The following PTPRD variants were observed in gnomAD, a reference collection of about 807,000 sequenced individuals.
PTPRD encodes the protein receptor-type tyrosine-protein phosphatase delta.
In PTPRD, 34 loss-of-function variants were observed where a neutral mutation model predicts 214.5. The observed-to-expected ratio is 0.16, with a 90% confidence interval of 0.12 to 0.21. The LOEUF is 0.21. Ranked by LOEUF, PTPRD falls within the 10% of genes least tolerant of loss-of-function variation. PTPRD has a pLI of 1.00. For synonymous variants in PTPRD, 1,128 were observed against 845.7 expected (o/e 1.33, Z -5.79); for missense variants, 2,545 against 2,398.7 (o/e 1.06, Z -1.27).
chr9:9,083,188 T>C (rs1479237895), intron 10 of PTPRD, among the ~76,000 whole-genome samples: 1 of 152,120 alleles, frequency 6.6e-6, no homozygotes, highest in Non-Finnish European at 1.5e-5. Context: ...AGCATGATAC[T>C]GGTACCAAAA....
intron 4 of PTPRD, among the ~76,000 whole-genome samples, chr9:9,999,912 A>T (rs958923832): frequency 1.3e-5 from 2 of 152,204 alleles, no homozygotes; most frequent in African/African-American, 4.8e-5. Flanking sequence ...TCTTGTCCTA[A>T]AAGGAAATGA....
chr9:9,937,973 G>A (rs57498253), intron 5 of PTPRD, among the ~76,000 whole-genome samples: 16 of 152,274 alleles, frequency 1.1e-4, no homozygotes, highest in African/African-American at 3.1e-4. Context: ...TGGAGGCAGA[G>A]ATCTTACCTC....
At chr9:9,693,569 C>T (rs2097314112) in intron 7 of PTPRD, among the ~76,000 whole-genome samples, 1 of 152,082 alleles carries the variant, frequency 6.6e-6, no homozygotes, top group African/African-American at 2.4e-5. Flanking sequence ...AAGAGGTAGT[C>T]TTATTTAGGT....
At chr9:9,432,057 A>G (rs1037553930) in intron 8 of PTPRD, among the ~76,000 whole-genome samples, 3 of 117,702 alleles carry the variant, frequency 2.5e-5, no homozygotes, top group Non-Finnish European at 3.8e-5. Flanking sequence ...TATAATAATA[A>G]TAATAATAAT....
chr9:9,701,860 T>G (rs565458660), intron 7 of PTPRD, among the ~76,000 whole-genome samples: 1 of 152,148 alleles, frequency 6.6e-6, no homozygotes, highest in Non-Finnish European at 1.5e-5. Flanking sequence ...GGCTCACTCC[T>G]GTAATCCCAG....
intron 3 of PTPRD, among the ~76,000 whole-genome samples, chr9:10,271,525 C>T (rs1205844992): frequency 7.0e-6 from 1 of 143,688 alleles, no homozygotes; most frequent in Admixed American, 7.4e-5. Flanking sequence ...CTGATAAATT[C>T]AATTGTTTCT....
At chr9:10,275,000 A>G (rs752452022) in intron 3 of PTPRD, among the ~76,000 whole-genome samples, 25 of 152,106 alleles carry the variant, frequency 1.6e-4, no homozygotes, top group Non-Finnish European at 3.4e-4. Context: ...TATTGCATAC[A>G]TATTTCTGAG....
In PTPRD at chr9:10,297,498, T is replaced by C. The variant is rs570310961; in HGVS notation, c.-545+43465A>G. On this transcript the variant is annotated intron_variant, in intron 3 of 45. Coordinates refer to ENST00000381196, the MANE Select transcript of PTPRD (RefSeq NM_002839.4). ...TTCTTCCAGCAAGTATTTCTTCCAG[T>C]AGGGAAAGTGAATTCCCAGGGTGAG... is the stretch of plus-strand genomic sequence containing the variant. Among the ~76,000 whole-genome samples, 4 of 151,914 alleles carry C rather than the reference T, an allele frequency of 2.6e-5. 1 individual carries two copies. Among genetic ancestry groups the C allele is most frequent in the African/African-American group, 9.6e-5 (4 of 41,472 alleles).
intron 14 of PTPRD, among the ~76,000 whole-genome samples, chr9:8,578,377 CT>C (rs1461763655): frequency 6.6e-6 from 1 of 150,602 alleles, no homozygotes; most frequent in Non-Finnish European, 1.5e-5. Flanking sequence ...TATATATAGT[CT>C]ATTTATTAAA....
intron 8 of PTPRD, among the ~76,000 whole-genome samples, chr9:9,503,612 G>A (rs1279189118): frequency 2.0e-5 from 3 of 151,676 alleles, no homozygotes; most frequent in Non-Finnish European, 4.4e-5. Context: ...AATCAATGGT[G>A]GTTATAACAG....
rs770258284 is a variant in PTPRD at position 8,338,978 on chromosome 9, C to T, written c.5323G>A (p.Ala1775Thr). 6.2e-7 allele frequency: 1 copy of T among 1,612,366 alleles called. No individual in the cohort carries two copies. Among genetic ancestry groups the T allele is most frequent in the Non-Finnish European group, 8.5e-7 (1 of 1,178,872 alleles). The change falls in exon 43 of 46, where the codon GCT becomes ACT. Residue 1775 changes from alanine to threonine, a missense_variant. Coordinates refer to ENST00000381196, the MANE Select transcript of PTPRD (RefSeq NM_002839.4). ...RYQYFVVDPM[A>T]EYNMPQYILR... Reference sequence around the variant, plus strand: ...ATATACTGTGGCATGTTGTACTCAGCCATGGGATCTACAACAAAGTACTGG... The same window carrying T: ...ATATACTGTGGCATGTTGTACTCAGTCATGGGATCTACAACAAAGTACTGG...
intron 36 of PTPRD, among the ~76,000 whole-genome samples, chr9:8,400,213 T>C (rs1390002506): frequency 6.6e-6 from 1 of 152,222 alleles, no homozygotes; most frequent in Non-Finnish European, 1.5e-5. Flanking sequence ...AACCTCTTTT[T>C]TATCCACAAC....
In PTPRD at chr9:8,497,151, CTG is replaced by C. The variant is rs552928189; in HGVS notation, c.2349+89_2349+90del. 530 of 1,130,984 alleles carry C rather than the reference CTG, an allele frequency of 4.7e-4. 4 individuals carry two copies. The African/African-American group carries it at 7.7e-3, about 16-fold the overall frequency. 70.1% of individuals were successfully genotyped at this position (1,130,984 alleles called of 1,614,324 possible). ...TTGTTAGTTCATGCATCCAAGCAAA[CTG>C]TGATGACAGATCACAAATAAGTGAA... On this transcript the variant is annotated intron_variant, in intron 26 of 45. Transcript: ENST00000381196.
chr9:9,038,994 G>C (rs1297660114), intron 10 of PTPRD, among the ~76,000 whole-genome samples: 3 of 152,030 alleles, frequency 2.0e-5, no homozygotes, highest in African/African-American at 4.8e-5. Flanking sequence ...GCATAGGGTG[G>C]TGGTGAGCAC....
intron 3 of PTPRD, among the ~76,000 whole-genome samples, chr9:10,067,283 G>C (rs557705210): frequency 6.6e-6 from 1 of 151,988 alleles, no homozygotes; most frequent in South Asian, 2.1e-4. Context: ...AGCTGGATTT[G>C]ATATTTTACT....
intron 12 of PTPRD, among the ~76,000 whole-genome samples, chr9:8,717,255 G>T (rs192512237): frequency 1.3e-5 from 2 of 152,248 alleles, no homozygotes; most frequent in Admixed American, 6.5e-5. Flanking sequence ...AGGTGTGTTG[G>T]GGGGAGAAGC....
chr9:9,380,809 T>A (rs888514936), intron 9 of PTPRD, among the ~76,000 whole-genome samples: 1 of 152,186 alleles, frequency 6.6e-6, no homozygotes, highest in Non-Finnish European at 1.5e-5. Context: ...GATTCTTCCA[T>A]TTCTCCTTAT....
intron 8 of PTPRD, among the ~76,000 whole-genome samples, chr9:9,435,499 G>A (rs1333115): frequency 0.46 from 70,251 of 151,924 alleles, 16,849 homozygotes; most frequent in Middle Eastern, 0.63. Context: ...CTGGATGACA[G>A]AGCAAGACCC....
intron 3 of PTPRD, among the ~76,000 whole-genome samples, chr9:10,130,252 A>C (rs909642395): frequency 1.3e-5 from 2 of 151,590 alleles, no homozygotes; most frequent in African/African-American, 4.9e-5. Flanking sequence ...TTCAACAACC[A>C]TACAAATACG....
Sources: gnomAD v4.1 joint callset for allele counts (sites outside exome capture counted in the v4.1 genomes callset) on GRCh38, gnomAD v4.1.1 for gene constraint, MANE v1.5 for transcripts, NCBI Gene and HGNC (gene_info 2026-07-23, HGNC 2026-07-21) for gene names.